Variants in BACE2 observed in about 807,000 individuals in gnomAD.
BACE2 encodes 56 kDa aspartic-like protease.
BACE2 carries 17 observed loss-of-function variants against 46.2 expected under a neutral mutation model. The observed-to-expected ratio is 0.37, with a 90% CI of 0.25 to 0.55. The LOEUF is 0.55. Among genes scored for constraint, BACE2 ranks in the 20% least tolerant of loss-of-function variants. The probability of loss-of-function intolerance (pLI) is 0.82; values close to 1 mark genes in which losing one functional copy is unlikely to be tolerated. For synonymous variants in BACE2, 277 were observed against 295.9 expected (o/e 0.94, Z 0.66); for missense variants, 595 against 698.1 (o/e 0.85, Z 1.66).
chr21:41,273,346 T>A (rs2088452906), intron 8 of BACE2, among the ~76,000 whole-genome samples: 1 of 152,214 alleles, frequency 6.6e-6, no homozygotes, highest in Middle Eastern at 3.2e-3. Flanking sequence ...CTGGGAGCGC[T>A]ATGGGAGACC....
Position 41,206,657 on chromosome 21 carries a change from G to A in BACE2, c.313-19609G>A, listed in dbSNP as rs188815305. 4.3e-3 allele frequency among the ~76,000 whole-genome samples: 660 copies of A among 152,298 alleles called. 2 individuals carry two copies. Among genetic ancestry groups the A allele is most frequent in the Non-Finnish European group, 7.9e-3 (535 of 68,020 alleles). The stretch of plus-strand genomic sequence containing the variant: ...ATGGAGAGTGAGGAGTTGTTTAATG[G>A]GTAACGGGTTTCAGTTTTGTAAAAT... On this transcript the variant is annotated intron_variant, in intron 1 of 8. Transcript: ENST00000330333.
chr21:41,216,892 A>G (rs919489565), intron 1 of BACE2, among the ~76,000 whole-genome samples: 1 of 151,894 alleles, frequency 6.6e-6, no homozygotes, highest in African/African-American at 2.4e-5. Flanking sequence ...GGGCACAGGG[A>G]GGAAGGCTGG....
At chr21:41,182,762 C>T (rs986750947) in intron 1 of BACE2, 6 of 167,046 alleles carry the variant, frequency 3.6e-5, no homozygotes, top group African/African-American at 1.2e-4. Flanking sequence ...CTGACATGTT[C>T]TATACTACCT....
chr21:41,229,262 A>G (rs570225366), intron 2 of BACE2, among the ~76,000 whole-genome samples: 2 of 152,278 alleles, frequency 1.3e-5, no homozygotes, highest in Admixed American at 6.5e-5. Flanking sequence ...GGCAGAACCA[A>G]CACACGTGGA....
chr21:41,267,258 G>A (rs938030682), intron 8 of BACE2, among the ~76,000 whole-genome samples: 2 of 152,138 alleles, frequency 1.3e-5, no homozygotes, highest in African/African-American at 2.4e-5. Context: ...ACTGCAGTCA[G>A]ATTGGCTGGA....
intron 1 of BACE2, among the ~76,000 whole-genome samples, chr21:41,185,702 C>G (rs1404510542): frequency 6.6e-6 from 1 of 152,186 alleles, no homozygotes; most frequent in Non-Finnish European, 1.5e-5. Flanking sequence ...TGCTGAGAAC[C>G]CAAAATGCCT....
chr21:41,185,895 G>C (rs1985357717), intron 1 of BACE2, among the ~76,000 whole-genome samples: 1 of 152,214 alleles, frequency 6.6e-6, no homozygotes, highest in Non-Finnish European at 1.5e-5. Context: ...TCACAACCAA[G>C]TGTCCTGCCT....
chr21:41,243,278 C>A, intron 4 of BACE2, 98 bp from the exon 5 acceptor site: 1 of 963,794 alleles, frequency 1.0e-6, no homozygotes, highest in Non-Finnish European at 1.5e-6. Context: ...GCCCTGATTG[C>A]AGTGAAGTTT....
intron 3 of BACE2, among the ~76,000 whole-genome samples, chr21:41,238,352 A>G (rs1987185574): frequency 6.6e-6 from 1 of 152,216 alleles, no homozygotes; most frequent in Non-Finnish European, 1.5e-5. Flanking sequence ...ATGTTCACCA[A>G]ATATTTGTAC....
chr21:41,196,326 AAAGAG>A (rs916887889), intron 1 of BACE2, among the ~76,000 whole-genome samples: 8 of 151,984 alleles, frequency 5.3e-5, no homozygotes, highest in African/African-American at 1.2e-4. Context: ...AAAAAAAAAA[AAAGAG>A]AGAGAGAGAG....
intron 6 of BACE2, among the ~76,000 whole-genome samples, chr21:41,249,286 C>T (rs1029596751): frequency 6.6e-6 from 1 of 151,036 alleles, no homozygotes; most frequent in Admixed American, 6.6e-5. Context: ...GATTAGTGAG[C>T]CCCACATGTA....
At chr21:41,208,042 C>A in intron 1 of BACE2, among the ~76,000 whole-genome samples, 1 of 152,174 alleles carries the variant, frequency 6.6e-6, no homozygotes, top group East Asian at 1.9e-4. Flanking sequence ...ACCGCTAGGG[C>A]CTTAGGAAGG....
At chr21:41,227,467 T>G (rs747862281) in intron 2 of BACE2, among the ~76,000 whole-genome samples, 2 of 152,226 alleles carry the variant, frequency 1.3e-5, no homozygotes, top group African/African-American at 2.4e-5. Flanking sequence ...CCAGGCAATT[T>G]AATAAAGCCA....
At chr21:41,178,307 C>T (rs1216124208) in intron 1 of BACE2, 1 of 152,252 alleles carries the variant, frequency 6.6e-6, no homozygotes, top group East Asian at 1.9e-4. Flanking sequence ...GTTCCTAACA[C>T]CACGTGGATC....
chr21:41,216,303 C>T (rs75402333), intron 1 of BACE2, among the ~76,000 whole-genome samples: 3,037 of 152,310 alleles, frequency 0.02, 83 homozygotes, highest in African/African-American at 0.067. Flanking sequence ...CCTTGCCTGA[C>T]TCTGTGGCTG....
chr21:41,195,854 T>A (rs1379088503), intron 1 of BACE2, among the ~76,000 whole-genome samples: 1 of 152,230 alleles, frequency 6.6e-6, no homozygotes, highest in Admixed American at 6.5e-5. Flanking sequence ...TTGAGAAGTA[T>A]AACTTACATG....
At position 41,277,649 on chromosome 21, in the gene BACE2, T is replaced by G. The variant is rs1185370656; in HGVS notation, c.*2025T>G. On this transcript the variant is annotated 3_prime_UTR_variant, in exon 9 of 9. Transcript: ENST00000330333. ...GAGGGAATCGCAGACATGCCCTGAT[T>G]AGTTTTCCTGCTTATTTCTTCATAC... The G allele has an allele frequency of 1.3e-5, 2 of 152,246 alleles. No homozygotes were observed. The highest frequency in any genetic ancestry group is 2.9e-5 in the Non-Finnish European group (2 of 68,078). The allele number at this position is 152,246 out of a possible 1,614,324, so 9.4% of individuals were successfully genotyped here.
intron 1 of BACE2, among the ~76,000 whole-genome samples, chr21:41,207,017 T>G (rs1986147789): frequency 6.6e-6 from 1 of 152,230 alleles, no homozygotes. Flanking sequence ...AGTTCAGGTT[T>G]GGAGTGGGTC....
chr21:41,229,745 G>A (rs1456935968), intron 2 of BACE2, among the ~76,000 whole-genome samples: 3 of 152,140 alleles, frequency 2.0e-5, no homozygotes, highest in Admixed American at 2.0e-4. Flanking sequence ...TTACCTGCTA[G>A]CCCTGTTTTG....
Sources: allele counts gnomAD v4.1 joint callset (sites outside exome capture counted in the v4.1 genomes callset), GRCh38; gene constraint gnomAD v4.1.1; transcripts MANE v1.5; gene names NCBI Gene and HGNC (gene_info 2026-07-23, HGNC 2026-07-21).